C2CD5: variants seen among roughly 807,000 people sequenced by gnomAD.
C2CD5 encodes C2 calcium dependent domain containing 5, also known as C2 domain-containing protein 5.
In C2CD5, 109 loss-of-function variants were observed where a neutral mutation model predicts 130.3. The ratio of observed to expected loss-of-function variants is 0.84; its 90% CI spans 0.72 to 0.98. The LOEUF is 0.98. Among genes scored for constraint, C2CD5 ranks in the 50% least tolerant of loss-of-function variants. C2CD5 has a pLI of 0.00. For missense variants in C2CD5, 996 were observed against 1,261.8 expected (o/e 0.79, Z 3.19); for synonymous variants, 454 against 429.2 (o/e 1.06, Z -0.71).
intron 3 of C2CD5, among the ~76,000 whole-genome samples, chr12:22,534,142 C>T (rs1243837986): frequency 6.6e-6 from 1 of 152,140 alleles, no homozygotes; most frequent in African/African-American, 2.4e-5. Context: ...GAGCCAAGAT[C>T]GCACCATTGC....
At chr12:22,512,206 C>G (rs950903030) in intron 9 of C2CD5, among the ~76,000 whole-genome samples, 1 of 152,162 alleles carries the variant, frequency 6.6e-6, no homozygotes, top group Non-Finnish European at 1.5e-5. Flanking sequence ...AGTGCATACA[C>G]AGATACTGTC....
intron 10 of C2CD5, among the ~76,000 whole-genome samples, chr12:22,501,840 A>G (rs1947841739): frequency 6.6e-6 from 1 of 152,134 alleles, no homozygotes; most frequent in South Asian, 2.1e-4. Flanking sequence ...AAAAGTTTAC[A>G]ATATTGAAAA....
chr12:22,542,348 G>A (rs1952476685), intron 2 of C2CD5, among the ~76,000 whole-genome samples: 1 of 152,236 alleles, frequency 6.6e-6, no homozygotes, highest in Non-Finnish European at 1.5e-5. Context: ...GGAGTTGGAG[G>A]CTGCAGTGAC....
intron 11 of C2CD5, among the ~76,000 whole-genome samples, chr12:22,491,431 G>C (rs1946344414): frequency 6.6e-6 from 1 of 151,998 alleles, no homozygotes; most frequent in Non-Finnish European, 1.5e-5. Context: ...TCAAGCATCA[G>C]TTACTTCATT....
chr12:22,519,770 A>C (rs1950103431), intron 7 of C2CD5, among the ~76,000 whole-genome samples: 1 of 152,166 alleles, frequency 6.6e-6, no homozygotes, highest in South Asian at 2.1e-4. Flanking sequence ...AGATGATGGC[A>C]CAAAGAGAAA....
At position 22,524,482 on chromosome 12, in the gene C2CD5, C is replaced by T. The variant is rs770258381; in HGVS notation, c.591G>A (p.Ser197=). Residue 197 remains serine, a synonymous_variant, in exon 6 of 27, where the codon TCG becomes TCA. Transcript: ENST00000446597. ...ATTTTTTTTAAATACCTGACATTAA[C>T]GAAATGAGTCTCTGTCTGGCCTCAT... ...ASNEARQRLI[S]LMSGELQRKI... is the part of the protein sequence containing the mutation. 1.2e-5 allele frequency: 19 copies of T among 1,612,858 alleles called. No individual in the cohort carries two copies. The highest frequency in any genetic ancestry group is 4.5e-5 in the East Asian group (2 of 44,868).
At chr12:22,472,101 T>C (rs1166499761) in intron 18 of C2CD5, 36 bp from the exon 19 acceptor site, 2 of 1,199,222 alleles carry the variant, frequency 1.7e-6, no homozygotes, top group Non-Finnish European at 1.2e-6. Flanking sequence ...CATTTTATTA[T>C]TTTTAACTAA....
In C2CD5 at chr12:22,500,525, C is replaced by T. The variant is rs187400110; in HGVS notation, c.1147+6186G>A. The stretch of plus-strand genomic sequence containing the variant: ...TTTCTCTCATACAGAGTTAATCAAG[C>T]CTTCTTCTTTAACTCTTTATCTTGT... On this transcript the variant is annotated intron_variant, in intron 10 of 26. Coordinates refer to ENST00000446597, the MANE Select transcript of C2CD5 (RefSeq NM_001286176.2). Among the ~76,000 whole-genome samples, 64 of 152,218 alleles carry T rather than the reference C, an allele frequency of 4.2e-4. 1 individual carries two copies. In the East Asian group the frequency reaches 0.011, roughly 27 times the overall value.
At chr12:22,484,098 C>T (rs1945119197) in intron 13 of C2CD5, among the ~76,000 whole-genome samples, 2 of 152,028 alleles carry the variant, frequency 1.3e-5, no homozygotes, top group Non-Finnish European at 2.9e-5. Flanking sequence ...GAAGATTATA[C>T]ATAAAGGTAG....
intron 10 of C2CD5, among the ~76,000 whole-genome samples, chr12:22,501,448 T>C (rs945986813): frequency 2.0e-5 from 3 of 152,194 alleles, no homozygotes; most frequent in Admixed American, 6.5e-5. Flanking sequence ...CAGTTCCTTA[T>C]ATTATTAATG....
intron 22 of C2CD5, among the ~76,000 whole-genome samples, chr12:22,469,320 T>A (rs930346404): frequency 6.6e-6 from 1 of 152,128 alleles, no homozygotes; most frequent in African/African-American, 2.4e-5. Flanking sequence ...AAAAAAGCAT[T>A]CTGTTGTGCA....
chr12:22,544,205 C>A (rs1952713025), intron 1 of C2CD5, 26 bp from the exon 2 acceptor site: 1 of 1,561,656 alleles, frequency 6.4e-7, no homozygotes, highest in African/African-American at 1.4e-5. Context: ...AACGAGTCTG[C>A]GCCGAGCGCG....
chr12:22,485,774 A>G (rs920253531), intron 12 of C2CD5, among the ~76,000 whole-genome samples: 5 of 152,146 alleles, frequency 3.3e-5, no homozygotes, highest in African/African-American at 1.2e-4. Flanking sequence ...TTTCAATATT[A>G]GTGGTATACA....
At chr12:22,461,952 T>C (rs930386811) in intron 22 of C2CD5, among the ~76,000 whole-genome samples, 4 of 144,464 alleles carry the variant, frequency 2.8e-5, no homozygotes, top group Non-Finnish European at 5.9e-5. Context: ...CAGCAGCAGA[T>C]AGACATCAGC....
intron 2 of C2CD5, among the ~76,000 whole-genome samples, chr12:22,536,925 T>C (rs930705397): frequency 6.6e-6 from 1 of 152,210 alleles, no homozygotes; most frequent in East Asian, 1.9e-4. Context: ...TAATTACTAA[T>C]TTAATTTTCA....
chr12:22,537,144 A>G (rs892540032), intron 2 of C2CD5, among the ~76,000 whole-genome samples: 1 of 152,244 alleles, frequency 6.6e-6, no homozygotes, highest in African/African-American at 2.4e-5. Flanking sequence ...TTGTCCCACT[A>G]TAACAGTTGT....
At chr12:22,502,044 CA>C (rs575623673) in intron 10 of C2CD5, among the ~76,000 whole-genome samples, 1,784 of 146,996 alleles carry the variant, frequency 0.012, 18 homozygotes, top group African/African-American at 0.023. Flanking sequence ...ATGTTTTTAT[CA>C]AAAAAAAAAA....
In C2CD5 at chr12:22,482,138, C is replaced by T. The variant is rs186955936; in HGVS notation, c.1737+419G>A. ...CTGAAGACATTCTTGTGTGTCACAA[C>T]TGGGGGGATGCTACTAGCTTATAGT... is the stretch of plus-strand genomic sequence containing the variant. On this transcript the variant is annotated intron_variant, in intron 14 of 26. Coordinates refer to ENST00000446597, the MANE Select transcript of C2CD5 (RefSeq NM_001286176.2). 2.6e-5 allele frequency among the ~76,000 whole-genome samples: 4 copies of T among 152,210 alleles called. No individual in the cohort carries two copies. In the East Asian group the frequency reaches 7.7e-4, roughly 29 times the overall value.
intron 16 of C2CD5, 116 bp downstream of exon 16, chr12:22,474,635 T>G (rs1048592713): frequency 1.5e-6 from 1 of 673,926 alleles, no homozygotes; most frequent in African/African-American, 1.9e-5. Flanking sequence ...TATAATAACT[T>G]TTTAAATATT....
Sources: allele counts gnomAD v4.1 joint callset (sites outside exome capture counted in the v4.1 genomes callset), GRCh38; gene constraint gnomAD v4.1.1; transcripts MANE v1.5; gene names NCBI Gene and HGNC (gene_info 2026-07-23, HGNC 2026-07-21).